The following YY1 variants were observed in gnomAD, a reference collection of about 807,000 sequenced individuals.
YY1 encodes the protein transcriptional repressor protein YY1.
YY1 carries 2 observed loss-of-function variants against 35.6 expected under a neutral mutation model. That is an observed-to-expected ratio of 0.06 (90% confidence interval 0.02 to 0.18). The LOEUF (loss-of-function observed/expected upper bound fraction) is 0.18, where lower values mean the gene tolerates loss of function less well. Among genes scored for constraint, YY1 ranks in the 10% least tolerant of loss-of-function variants. The probability of loss-of-function intolerance (pLI) is 1.00; values close to 1 mark genes in which losing one functional copy is unlikely to be tolerated. For synonymous variants in YY1, 268 were observed against 238.9 expected (o/e 1.12, Z -1.12); for missense variants, 322 against 573.4 (o/e 0.56, Z 4.48).
intron 2 of YY1, among the ~76,000 whole-genome samples, chr14:100,267,791 G>A (rs149756161): frequency 1.7e-3 from 252 of 152,314 alleles, no homozygotes; most frequent in African/African-American, 5.9e-3. Context: ...CAAAGTGCTG[G>A]GATTACAGGC....
chr14:100,245,147 A>G (rs926208934), intron 1 of YY1, among the ~76,000 whole-genome samples: 3 of 151,808 alleles, frequency 2.0e-5, no homozygotes, highest in African/African-American at 7.3e-5. Flanking sequence ...CATGTTAGCC[A>G]GGATGGTCTC....
At position 100,277,373 on chromosome 14, in the gene YY1, G is replaced by A; in HGVS notation, c.1063-45G>A. On this transcript the variant is annotated intron_variant, in intron 4 of 4. Transcript: ENST00000262238. The surrounding 1 kb of genome is among the most constrained non-coding windows in gnomAD (Gnocchi z 5.6). The stretch of plus-strand genomic sequence containing the variant: ...AGTGAGCTCCTGACTCCCAGGGTCT[G>A]GTCAGAGTTGCTGAGTGGGTTGATC... 6.2e-7 allele frequency: 1 copy of A among 1,611,764 alleles called. No homozygotes were observed. Among genetic ancestry groups the A allele is most frequent in the Non-Finnish European group, 8.5e-7 (1 of 1,177,950 alleles).
chr14:100,247,578 T>C (rs1292333580), intron 1 of YY1, among the ~76,000 whole-genome samples: 1 of 152,036 alleles, frequency 6.6e-6, no homozygotes, highest in African/African-American at 2.4e-5. Context: ...ATCAGAATCA[T>C]GACTTGGATG....
intron 1 of YY1, among the ~76,000 whole-genome samples, chr14:100,241,178 A>G (rs1274225801): frequency 1.3e-5 from 2 of 152,226 alleles, no homozygotes; most frequent in African/African-American, 4.8e-5. Context: ...TAGACTGAGA[A>G]TAATCCTGCC....
At position 100,279,224 on chromosome 14, in the gene YY1, T is replaced by C. The variant is rs1323004213; in HGVS notation, c.*1624T>C. The C allele has an allele frequency of 6.6e-6, 1 of 152,232 alleles. No individual in the cohort carries two copies. Among genetic ancestry groups the C allele is most frequent in the Non-Finnish European group, 1.5e-5 (1 of 68,036 alleles). The allele number at this position is 152,232 out of a possible 1,614,324, so 9.4% of individuals were successfully genotyped here. A position where few individuals can be genotyped will look rare whatever the true frequency, so the allele number is the denominator to read the frequency against. The stretch of plus-strand genomic sequence containing the variant: ...ATCTCATTTATTCAAAGTGCAAACA[T>C]ACTGTGTGTCTTTCTGTTTTGTGTA... On this transcript the variant is annotated 3_prime_UTR_variant, in exon 5 of 5. Transcript: ENST00000262238.
In YY1 at chr14:100,277,617, C is replaced by T; in HGVS notation, c.*17C>T. ...AACCAGTGAAAAGAAGAGAGAAGAC[C>T]CTTCTCGACCACGGGAAGCATCTTC... is the stretch of plus-strand genomic sequence containing the variant. On this transcript the variant is annotated 3_prime_UTR_variant, in exon 5 of 5. Coordinates refer to ENST00000262238, the MANE Select transcript of YY1 (RefSeq NM_003403.5). This position sits in a 1 kb window ranked among gnomAD's most constrained non-coding sequence, Gnocchi z 5.6. 1 of 1,612,874 alleles carries T rather than the reference C, an allele frequency of 6.2e-7. No homozygotes were observed.
intron 1 of YY1, among the ~76,000 whole-genome samples, chr14:100,241,961 C>T (rs566186125): frequency 3.7e-5 from 4 of 109,382 alleles, no homozygotes; most frequent in East Asian, 3.1e-4. Flanking sequence ...GGTGACAGAG[C>T]GAGACTCTGT....
At chr14:100,256,942 T>C (rs984861902) in intron 1 of YY1, among the ~76,000 whole-genome samples, 6 of 152,130 alleles carry the variant, frequency 3.9e-5, no homozygotes, top group African/African-American at 7.2e-5. Flanking sequence ...ATTCCTGATA[T>C]AGGTCATAAA....
intron 1 of YY1, among the ~76,000 whole-genome samples, chr14:100,246,236 G>A (rs960755041): frequency 1.3e-5 from 2 of 152,204 alleles, no homozygotes; most frequent in African/African-American, 4.8e-5. Context: ...AGGCCATCAT[G>A]TGCATACTGC....
At chr14:100,269,073 C>G (rs1460460569) in intron 2 of YY1, among the ~76,000 whole-genome samples, 1 of 152,172 alleles carries the variant, frequency 6.6e-6, no homozygotes, top group Admixed American at 6.5e-5. Context: ...TTCTCCCTCT[C>G]TATTTGACAG....
At position 100,277,371 on chromosome 14, in the gene YY1, C is replaced by A; in HGVS notation, c.1063-47C>A. On this transcript the variant is annotated intron_variant, in intron 4 of 4. Transcript: ENST00000262238. The surrounding 1 kb of genome is among the most constrained non-coding windows in gnomAD (Gnocchi z 5.6). Reference sequence around the variant, plus strand: ...GCAGTGAGCTCCTGACTCCCAGGGTCTGGTCAGAGTTGCTGAGTGGGTTGA... The same window carrying A: ...GCAGTGAGCTCCTGACTCCCAGGGTATGGTCAGAGTTGCTGAGTGGGTTGA... 1 of 1,610,598 alleles carries A rather than the reference C, an allele frequency of 6.2e-7. No homozygotes were observed. Among genetic ancestry groups the A allele is most frequent in the Non-Finnish European group, 8.5e-7 (1 of 1,176,888 alleles).
At chr14:100,260,646 G>A (rs906337607) in intron 1 of YY1, among the ~76,000 whole-genome samples, 1 of 150,324 alleles carries the variant, frequency 6.7e-6, no homozygotes, top group Non-Finnish European at 1.5e-5. Flanking sequence ...CTAATTTTTT[G>A]TATTTTAGTA....
intron 1 of YY1, among the ~76,000 whole-genome samples, chr14:100,252,196 CATTT>C (rs1890934698): frequency 6.6e-6 from 1 of 152,112 alleles, no homozygotes; most frequent in Non-Finnish European, 1.5e-5. Flanking sequence ...CTAGCCTTTC[CATTT>C]ATTTAGTTCC....
At position 100,251,516 on chromosome 14, in the gene YY1, A is replaced by ACT. The variant is rs543576634; in HGVS notation, c.680-10787_680-10786dup. 3.3e-5 allele frequency among the ~76,000 whole-genome samples: 5 copies of ACT among 152,364 alleles called. No individual in the cohort carries two copies. In the East Asian group the frequency reaches 9.6e-4, roughly 29 times the overall value. ...TAGTTTGTTACAGTGGTAATAGGAA[A>ACT]CTAATACATGTGCTAGCATCCCCTG... On this transcript the variant is annotated intron_variant, in intron 1 of 4. Transcript: ENST00000262238.
chr14:100,278,194 G>T lies in YY1; in HGVS notation c.*594G>T, dbSNP rs2139606688. ...CTTAATTTTGGTTGTATTCTTTGATGTTAACACATTTTGTATAATTGTATC... is the reference window on the plus strand; with the variant it reads ...CTTAATTTTGGTTGTATTCTTTGATTTTAACACATTTTGTATAATTGTATC... On this transcript the variant is annotated 3_prime_UTR_variant, in exon 5 of 5. Transcript: ENST00000262238. The T allele has an allele frequency of 6.5e-6, 1 of 154,844 alleles. No homozygotes were observed. The highest frequency in any genetic ancestry group is 1.9e-4 in the East Asian group (1 of 5,250). 9.6% of individuals were successfully genotyped at this position (154,844 alleles called of 1,614,324 possible).
chr14:100,239,152 G>A lies in YY1; in HGVS notation c.-93G>A, dbSNP rs1890681165. On this transcript the variant is annotated 5_prime_UTR_variant, in exon 1 of 5. Transcript: ENST00000262238. ...GCCCGCTCGCCGCCTTCCTCCCTCT[G>A]CCTTCCTTCCCCACGGCCGGCCGCC... The A allele has an allele frequency of 1.2e-5, 15 of 1,209,402 alleles. No individual in the cohort carries two copies. Among genetic ancestry groups the A allele is most frequent in the South Asian group, 2.5e-5 (1 of 39,946 alleles). The allele number at this position is 1,209,402 out of a possible 1,614,324, so 74.9% of individuals were successfully genotyped here.
In YY1 at chr14:100,262,463, C is replaced by T. The variant is rs1289426653; in HGVS notation, c.839C>T (p.Ala280Val). Reference protein sequence around the residue: ...LSDPKQLAEFARMKPRKIKED... With the variant: ...LSDPKQLAEFVRMKPRKIKED... ...GATCCCAAACAACTGGCAGAATTTG[C>T]TAGGTAAGTTATAAGAACTTTCCTT... Residue 280 changes from alanine (A) to valine (V), a missense_variant, in exon 2 of 5, where the codon GCT (alanine) becomes GTT (valine). Transcript: ENST00000262238. The T allele has an allele frequency of 6.2e-7, 1 of 1,613,946 alleles. No individual in the cohort carries two copies. Among genetic ancestry groups the T allele is most frequent in the African/African-American group, 1.3e-5 (1 of 74,932 alleles).
intron 3 of YY1, among the ~76,000 whole-genome samples, chr14:100,275,083 G>C (rs2139602864): frequency 6.6e-6 from 1 of 152,290 alleles, no homozygotes; most frequent in South Asian, 2.1e-4. Context: ...TTATGGGAAT[G>C]TAGGCTTGTA....
chr14:100,242,505 C>T (rs147849598), intron 1 of YY1, among the ~76,000 whole-genome samples: 1,817 of 150,732 alleles, frequency 0.012, 35 homozygotes, highest in African/African-American at 0.04. Context: ...TCTCCTGCCT[C>T]ACCCTCCCGA....
Sources: allele counts gnomAD v4.1 joint callset (sites outside exome capture counted in the v4.1 genomes callset), GRCh38; gene constraint gnomAD v4.1.1; non-coding constraint Gnocchi (gnomAD v3.1); transcripts MANE v1.5; gene names NCBI Gene and HGNC (gene_info 2026-07-23, HGNC 2026-07-21).